The following XRCC6 variants were observed in gnomAD, a reference collection of about 807,000 sequenced individuals.
The protein encoded by XRCC6 is X-ray repair cross complementing 6.
A neutral mutation model predicts 65.7 loss-of-function variants in XRCC6; 5 were observed. The observed-to-expected ratio is 0.08, with a 90% CI of 0.04 to 0.16. The LOEUF is 0.16. XRCC6 is among the 10% of genes least tolerant of loss of function. The probability of loss-of-function intolerance (pLI) is 1.00; values close to 1 mark genes in which losing one functional copy is unlikely to be tolerated. For synonymous variants in XRCC6, 270 were observed against 270.6 expected (o/e 1.00, Z 0.02); for missense variants, 447 against 738.1 (o/e 0.61, Z 4.57).
intron 6 of XRCC6, among the ~76,000 whole-genome samples, chr22:41,643,286 G>A (rs914380100): frequency 5.9e-5 from 9 of 152,208 alleles, no homozygotes; most frequent in Admixed American, 2.6e-4. Context: ...GTGGGCGCCT[G>A]TAGTCCCAGC....
rs529061694 is a variant in XRCC6, at chr22:41,648,866, G to A, written c.960+1784G>A. 3.5e-4 allele frequency among the ~76,000 whole-genome samples: 53 copies of A among 151,964 alleles called. 1 individual carries two copies. The highest frequency in any genetic ancestry group is 2.2e-4 in the Non-Finnish European group (15 of 67,968). On this transcript the variant is annotated intron_variant, in intron 7 of 12. Transcript: ENST00000360079. ...GTCACTGAGTTTCTTTCTTGGTCCAGTATGTTTGAAAAAACCTTGAGAGTT... is the reference window on the plus strand; with the variant it reads ...GTCACTGAGTTTCTTTCTTGGTCCAATATGTTTGAAAAAACCTTGAGAGTT...
chr22:41,621,810 G>T, intron 1 of XRCC6, 180 bp from the exon 2 acceptor site: 1 of 590,308 alleles, frequency 1.7e-6, no homozygotes, highest in Non-Finnish European at 3.0e-6. Flanking sequence ...GGCAGCTACT[G>T]GGATGGCCCC....
chr22:41,645,962 G>A (rs909466451), intron 6 of XRCC6, among the ~76,000 whole-genome samples: 7 of 151,780 alleles, frequency 4.6e-5, no homozygotes, highest in Admixed American at 1.3e-4. Flanking sequence ...CACCGCACCC[G>A]GCATGATGGG....
At chr22:41,648,605 G>T (rs185608447) in intron 7 of XRCC6, among the ~76,000 whole-genome samples, 1 of 152,022 alleles carries the variant, frequency 6.6e-6, no homozygotes, top group East Asian at 1.9e-4. Flanking sequence ...GTCTATAGAG[G>T]GATTTAACAT....
At chr22:41,649,577 G>C (rs28384753) in intron 7 of XRCC6, among the ~76,000 whole-genome samples, 25 of 152,122 alleles carry the variant, frequency 1.6e-4, no homozygotes, top group African/African-American at 5.3e-4. Context: ...TGTGGTGGCC[G>C]GGTGCGGTGG....
At position 41,661,431 on chromosome 22, in the gene XRCC6, C is replaced by G; in HGVS notation, c.1623C>G (p.Thr541=). The G allele has an allele frequency of 6.2e-7, 1 of 1,613,552 alleles. No homozygotes were observed. Among genetic ancestry groups the G allele is most frequent in the Non-Finnish European group, 8.5e-7 (1 of 1,179,810 alleles). The change falls in exon 12 of 13, where the codon ACC becomes ACG. Residue 541 remains threonine (T), a synonymous_variant. Transcript: ENST00000360079. ...ATTACAATCCTGAAGGGAAAGTTACCAAGAGAAAACACGGTGAGAAGCTGA... is the reference window on the plus strand; with the variant it reads ...ATTACAATCCTGAAGGGAAAGTTACGAAGAGAAAACACGGTGAGAAGCTGA... ...PPDYNPEGKV[T]KRKHDNEGSG... is the part of the protein sequence containing the mutation.
At chr22:41,643,125 T>C (rs531071592) in intron 6 of XRCC6, among the ~76,000 whole-genome samples, 7 of 152,302 alleles carry the variant, frequency 4.6e-5, no homozygotes, top group Admixed American at 3.3e-4. Flanking sequence ...AAAAGTGTTA[T>C]AGCTGGCCGG....
chr22:41,628,366 C>G, intron 3 of XRCC6, 136 bp downstream of exon 3: 1 of 617,348 alleles, frequency 1.6e-6, no homozygotes, highest in Non-Finnish European at 2.7e-6. Flanking sequence ...TGAGACCAAC[C>G]TGGTAACATG....
chr22:41,638,198 A>G (rs542343410), intron 6 of XRCC6, among the ~76,000 whole-genome samples: 11 of 152,100 alleles, frequency 7.2e-5, no homozygotes, highest in Non-Finnish European at 1.2e-4. Flanking sequence ...GTGGGGGTAG[A>G]CAGTTATGGT....
Sources: allele counts gnomAD v4.1 joint callset (sites outside exome capture counted in the v4.1 genomes callset), GRCh38; gene constraint gnomAD v4.1.1; transcripts MANE v1.5; gene names NCBI Gene and HGNC (gene_info 2026-07-23, HGNC 2026-07-21).